SLC5A10: variants seen among roughly 807,000 people sequenced by gnomAD.
SLC5A10 encodes solute carrier family 5 member 10.
In SLC5A10, 55 loss-of-function variants were observed where a neutral mutation model predicts 68.9. That is an observed-to-expected ratio of 0.80 (90% CI 0.64 to 1.00). SLC5A10 has a LOEUF of 1.00. SLC5A10 is among the 50% of genes least tolerant of loss of function. The pLI is 0.00. For missense variants in SLC5A10, 732 were observed against 819.3 expected (o/e 0.89, Z 1.30); for synonymous variants, 344 against 344.8 (o/e 1.00, Z 0.02).
chr17:18,957,878 G>A (rs1458280984), intron 1 of SLC5A10, among the ~76,000 whole-genome samples: 3 of 152,232 alleles, frequency 2.0e-5, no homozygotes, highest in Non-Finnish European at 2.9e-5. Flanking sequence ...TCAAAGTCAA[G>A]CACCGTTCTT....
chr17:18,959,069 A>G, intron 2 of SLC5A10, 66 bp from the exon 3 acceptor site: 1 of 1,483,658 alleles, frequency 6.7e-7, no homozygotes, highest in East Asian at 2.3e-5. Context: ...GGGAGAAGCT[A>G]TTAGGCCCAG....
chr17:18,974,755 T>C (rs910473245), intron 8 of SLC5A10, among the ~76,000 whole-genome samples: 2 of 152,192 alleles, frequency 1.3e-5, no homozygotes, highest in African/African-American at 4.8e-5. Flanking sequence ...ACTTAAGTCG[T>C]TGCAACAACT....
rs771754783 is a variant in SLC5A10 at position 18,952,246 on chromosome 17, C to T, written c.41C>T (p.Thr14Met). ...ACCAGCGACCTCCACACTCCCGGGACGCAGCTGAGCGTGGCTGACATCATC... is the reference window on the plus strand; with the variant it reads ...ACCAGCGACCTCCACACTCCCGGGATGCAGCTGAGCGTGGCTGACATCATC... ...NSTSDLHTPG[T>M]QLSVADIIVI... Residue 14 changes from threonine to methionine, a missense_variant, in exon 1 of 15, where the codon ACG becomes ATG. Physicochemically the swap from Thr to Met is moderately conservative, Grantham distance 81. Transcript: ENST00000395645. 1.5e-5 allele frequency: 24 copies of T among 1,613,800 alleles called. No individual in the cohort carries two copies. The highest frequency in any genetic ancestry group is 1.6e-4 in the Middle Eastern group (1 of 6,084).
At chr17:18,967,503 G>T (rs760626684) in intron 5 of SLC5A10, among the ~76,000 whole-genome samples, 3 of 152,250 alleles carry the variant, frequency 2.0e-5, no homozygotes, top group African/African-American at 7.2e-5. Context: ...CTCAGAGGCA[G>T]CTAAGTGCTG....
In SLC5A10 at chr17:18,959,604, G is replaced by A; in HGVS notation, c.289G>A (p.Ala97Thr). ...GLAVAGFEWN[A>T]TYVLLALAWV... ...TCCTCACCTGTCTCTGTCCCCATAG[G>A]CCACGTACGTGCTGCTGGCACTGGC... Residue 97 changes from alanine (A) to threonine (T), a missense_variant and splice_region_variant, in exon 4 of 15, where the codon GCC (alanine) becomes ACC (threonine). Coordinates refer to ENST00000395645, the MANE Select transcript of SLC5A10 (RefSeq NM_001042450.4). The A allele has an allele frequency of 6.2e-7, 1 of 1,613,814 alleles. No homozygotes were observed. Among genetic ancestry groups the A allele is most frequent in the Non-Finnish European group, 8.5e-7 (1 of 1,179,982 alleles).
Position 19,008,822 on chromosome 17 carries a change from T to A in SLC5A10, c.983-4588T>A, listed in dbSNP as rs534679277. Among the ~76,000 whole-genome samples, 458 of 142,600 alleles carry A rather than the reference T, an allele frequency of 3.2e-3. 2 individuals carry two copies. Among genetic ancestry groups the A allele is most frequent in the Middle Eastern group, 0.01 (3 of 286 alleles). The allele number at this position is 142,600 out of a possible 152,430, so 93.6% of individuals were successfully genotyped here. On this transcript the variant is annotated intron_variant, in intron 9 of 14. Transcript: ENST00000395645. ...CATTATTATTATTATTATTTTTTTTTTTTTTTTTGAGATAGCGTCTTGCTG... is the reference window on the plus strand; with the variant it reads ...CATTATTATTATTATTATTTTTTTTATTTTTTTTGAGATAGCGTCTTGCTG...
chr17:18,981,637 C>T (rs905906561), intron 9 of SLC5A10, among the ~76,000 whole-genome samples: 1 of 152,190 alleles, frequency 6.6e-6, no homozygotes, highest in Non-Finnish European at 1.5e-5. Context: ...AGGCAAGCAA[C>T]CACAGAGGCA....
At chr17:18,969,635 T>C (rs2042789222) in intron 7 of SLC5A10, 1 of 512,966 alleles carries the variant, frequency 1.9e-6, no homozygotes, top group South Asian at 3.3e-5. Flanking sequence ...CCCACCCTGC[T>C]GCCCCGCTGT....
At chr17:18,958,141 G>A (rs542608618) in intron 1 of SLC5A10, among the ~76,000 whole-genome samples, 15 of 152,270 alleles carry the variant, frequency 9.9e-5, no homozygotes, top group Admixed American at 6.5e-4. Flanking sequence ...CACAATCACC[G>A]CTCACTGCAG....
intron 9 of SLC5A10, among the ~76,000 whole-genome samples, chr17:19,008,466 T>C (rs1644579423): frequency 6.6e-6 from 1 of 152,056 alleles, no homozygotes; most frequent in Non-Finnish European, 1.5e-5. Context: ...TTCTCAGAAT[T>C]CTGAGTTTTT....
rs1194683993 is a variant in SLC5A10 at position 19,021,785 on chromosome 17, G to A, written c.*1354G>A. On this transcript the variant is annotated 3_prime_UTR_variant, in exon 15 of 15. Coordinates refer to ENST00000395645, the MANE Select transcript of SLC5A10 (RefSeq NM_001042450.4). This position sits in a 1 kb window ranked among gnomAD's most constrained non-coding sequence, Gnocchi z 4.1. ...CCCTTGCTGGGTACCCTTGCTGGGG[G>A]ACCTGGGCCATCCCAGTTTGTGCAG... is the stretch of plus-strand genomic sequence containing the variant. The A allele has an allele frequency of 1.1e-5, 6 of 537,614 alleles. No individual in the cohort carries two copies. The highest frequency in any genetic ancestry group is 1.4e-5 in the Non-Finnish European group (5 of 346,348). 33.3% of individuals were successfully genotyped at this position (537,614 alleles called of 1,614,324 possible). A position where few individuals can be genotyped will look rare whatever the true frequency, so the allele number is the denominator to read the frequency against.
intron 9 of SLC5A10, among the ~76,000 whole-genome samples, chr17:18,998,183 G>A (rs1238563503): frequency 3.3e-5 from 5 of 152,278 alleles, no homozygotes; most frequent in African/African-American, 4.8e-5. Flanking sequence ...TGGGGCCAAC[G>A]TGGGCCAGGG....
In SLC5A10 at chr17:19,000,424, C is replaced by T. The variant is rs1052253061; in HGVS notation, c.983-12986C>T. The stretch of plus-strand genomic sequence containing the variant: ...TGGGGCTTGTTCCAGGTCCCACAGT[C>T]AGGCAGAGGCAGAGCACGGACTCTT... On this transcript the variant is annotated intron_variant, in intron 9 of 14. Transcript: ENST00000395645. This position sits in a 1 kb window ranked among gnomAD's most constrained non-coding sequence, Gnocchi z 5.2. Among the ~76,000 whole-genome samples, 8 of 152,194 alleles carry T rather than the reference C, an allele frequency of 5.3e-5. No homozygotes were observed. Among genetic ancestry groups the T allele is most frequent in the Non-Finnish European group, 1.5e-5 (1 of 68,012 alleles).
intron 9 of SLC5A10, among the ~76,000 whole-genome samples, chr17:19,001,089 C>T (rs1390650787): frequency 6.6e-6 from 1 of 152,218 alleles, no homozygotes; most frequent in Non-Finnish European, 1.5e-5. Flanking sequence ...AGCGACTAAC[C>T]AGTTTCTACA....
Position 19,021,784 on chromosome 17 carries a change from GGACCTGGGCCATCCCA to G in SLC5A10, c.*1355_*1370del, listed in dbSNP as rs2044268143. ...ACCCTTGCTGGGTACCCTTGCTGGG[GGACCTGGGCCATCCCA>G]GTTTGTGCAGAGCGGCCGGAGGCAG... is the stretch of plus-strand genomic sequence containing the variant. On this transcript the variant is annotated 3_prime_UTR_variant, in exon 15 of 15. Transcript: ENST00000395645. This position sits in a 1 kb window ranked among gnomAD's most constrained non-coding sequence, Gnocchi z 4.1. The G allele has an allele frequency of 1.9e-6, 1 of 529,646 alleles. No homozygotes were observed. Among genetic ancestry groups the G allele is most frequent in the African/African-American group, 2.0e-5 (1 of 50,886 alleles). The allele number at this position is 529,646 out of a possible 1,614,324, so 32.8% of individuals were successfully genotyped here. A position where few individuals can be genotyped will look rare whatever the true frequency, so the allele number is the denominator to read the frequency against.
intron 9 of SLC5A10, among the ~76,000 whole-genome samples, chr17:18,989,966 G>A (rs890051033): frequency 1.8e-4 from 27 of 152,338 alleles, no homozygotes; most frequent in South Asian, 2.1e-4. Flanking sequence ...AGCGGACAGC[G>A]GAGGTGTGGG....
At chr17:18,950,754 TGCCCAG>T, upstream of SLC5A10, 13 of 946,618 alleles carry the variant, frequency 1.4e-5, no homozygotes, top group Non-Finnish European at 1.6e-5. Flanking sequence ...CTCCCTCTGT[TGCCCAG>T]GCTGGACTGC....
In SLC5A10 at chr17:19,000,135, G is replaced by GT. The variant is rs2043692927; in HGVS notation, c.983-13269dup. Reference sequence around the variant, plus strand: ...GTATGTAGTTGGAACCCCACAGCAGGTTTTTTCCCAGATAAATCATGGCTC... The same window carrying GT: ...GTATGTAGTTGGAACCCCACAGCAGGTTTTTTTCCCAGATAAATCATGGCTC... On this transcript the variant is annotated intron_variant, in intron 9 of 14. Coordinates refer to ENST00000395645, the MANE Select transcript of SLC5A10 (RefSeq NM_001042450.4). This position sits in a 1 kb window ranked among gnomAD's most constrained non-coding sequence, Gnocchi z 5.2. Among the ~76,000 whole-genome samples, 1 of 152,230 alleles carries GT rather than the reference G, an allele frequency of 6.6e-6. No individual in the cohort carries two copies. The highest frequency in any genetic ancestry group is 2.4e-5 in the African/African-American group (1 of 41,472).
intron 1 of SLC5A10, among the ~76,000 whole-genome samples, chr17:18,952,912 A>G (rs1312113345): frequency 6.6e-6 from 1 of 152,112 alleles, no homozygotes; most frequent in Non-Finnish European, 1.5e-5. Context: ...TTTCATGTGC[A>G]GATGGAGAAA....
Sources: allele counts gnomAD v4.1 joint callset (sites outside exome capture counted in the v4.1 genomes callset), GRCh38; gene constraint gnomAD v4.1.1; non-coding constraint Gnocchi (gnomAD v3.1); transcripts MANE v1.5; gene names NCBI Gene and HGNC (gene_info 2026-07-23, HGNC 2026-07-21).